RBFOX1: variants seen among roughly 807,000 people sequenced by gnomAD.
RBFOX1 encodes the protein RNA binding fox-1 homolog 1.
RBFOX1 carries 8 observed loss-of-function variants against 57.7 expected under a neutral mutation model. That is an observed-to-expected ratio of 0.14 (90% CI 0.08 to 0.25). The LOEUF is 0.25. Among genes scored for constraint, RBFOX1 ranks in the 10% least tolerant of loss-of-function variants. RBFOX1 has a pLI of 1.00. For missense variants in RBFOX1, 611 were observed against 548.5 expected, an observed-to-expected ratio of 1.11 and a Z score of -1.14; for synonymous variants, 326 against 222.4, an observed-to-expected ratio of 1.47 and a Z score of -4.15.
chr16:5,809,836 A>G (rs1331398095), intron 3 of RBFOX1, among the ~76,000 whole-genome samples: 1 of 152,174 alleles, frequency 6.6e-6, no homozygotes, highest in Non-Finnish European at 1.5e-5. Flanking sequence ...TATATACCCA[A>G]AGGACTATAA....
intron 2 of RBFOX1, among the ~76,000 whole-genome samples, chr16:6,445,681 C>T (rs774064791): frequency 1.3e-5 from 2 of 150,456 alleles, no homozygotes; most frequent in Non-Finnish European, 2.9e-5. Context: ...CCCCTGGGTT[C>T]AAGCGATTCT....
intron 3 of RBFOX1, among the ~76,000 whole-genome samples, chr16:6,969,830 C>G (rs1054605119): frequency 5.3e-5 from 8 of 152,098 alleles, no homozygotes; most frequent in African/African-American, 1.9e-4. Flanking sequence ...CGTTCTGGCC[C>G]TAATTCTGAG....
chr16:6,828,481 G>A lies in RBFOX1; in HGVS notation c.-16+173831G>A, dbSNP rs890411686. Among the ~76,000 whole-genome samples the A allele has an allele frequency of 5.9e-5, 9 of 151,584 alleles. 1 individual carries two copies. In the South Asian group the frequency reaches 6.3e-4, roughly 11 times the overall value. On this transcript the variant is annotated intron_variant, in intron 3 of 15. Coordinates refer to ENST00000550418, the MANE Select transcript of RBFOX1 (RefSeq NM_018723.4). ...AGAGGTTGCAGTCAGTCGACATCAC[G>A]CCATTGCACTCCAGCCTGGCAACAG...
intron 3 of RBFOX1, among the ~76,000 whole-genome samples, chr16:5,725,526 G>T (rs1480319909): frequency 1.3e-5 from 2 of 151,766 alleles, no homozygotes; most frequent in African/African-American, 4.8e-5. Context: ...TAGCCTCCAA[G>T]TGTTGGGACT....
At chr16:6,778,598 C>T (rs1007728550) in intron 3 of RBFOX1, among the ~76,000 whole-genome samples, 3 of 152,038 alleles carry the variant, frequency 2.0e-5, no homozygotes, top group Non-Finnish European at 2.9e-5. Context: ...GAAATCCAAA[C>T]GAGGACTATA....
rs73500349 is a variant in RBFOX1, at chr16:7,472,066, G to C, written c.28-46081G>C. ...TGACACAATTTAGCTGCTATGCCTG[G>C]CATCTCTCCTTCAGCATATCCTGCC... On this transcript the variant is annotated intron_variant, in intron 4 of 15. Coordinates refer to ENST00000550418, the MANE Select transcript of RBFOX1 (RefSeq NM_018723.4). Among the ~76,000 whole-genome samples the C allele has an allele frequency of 1.5e-3, 229 of 152,186 alleles. 1 individual carries two copies. Among genetic ancestry groups the C allele is most frequent in the African/African-American group, 5.1e-3 (211 of 41,532 alleles).
At chr16:7,092,854 A>T (rs2061090251) in intron 4 of RBFOX1, among the ~76,000 whole-genome samples, 1 of 152,166 alleles carries the variant, frequency 6.6e-6, no homozygotes. Flanking sequence ...GAAGGCTGGG[A>T]CATCCGCCTT....
At chr16:6,657,063 C>G (rs1185293632) in intron 3 of RBFOX1, among the ~76,000 whole-genome samples, 11 of 117,098 alleles carry the variant, frequency 9.4e-5, no homozygotes, top group African/African-American at 3.5e-4. Flanking sequence ...CTCCCCTTTC[C>G]TCTCCTCTCC....
chr16:5,988,251 T>A (rs1474419516), intron 4 of RBFOX1, among the ~76,000 whole-genome samples: 1 of 152,190 alleles, frequency 6.6e-6, no homozygotes, highest in African/African-American at 2.4e-5. Context: ...ATATCCATGA[T>A]AAAGCATATG....
intron 1 of RBFOX1, among the ~76,000 whole-genome samples, chr16:6,186,000 T>C (rs1488237989): frequency 1.3e-5 from 2 of 152,232 alleles, no homozygotes; most frequent in Admixed American, 6.5e-5. Context: ...CTTGTACTGC[T>C]GTGGCATTAT....
chr16:5,284,578 G>A (rs543080626), intron 1 of RBFOX1, among the ~76,000 whole-genome samples: 2 of 137,324 alleles, frequency 1.5e-5, no homozygotes, highest in South Asian at 4.6e-4. Context: ...GTCTCACTCT[G>A]TGACCCAGGC....
intron 4 of RBFOX1, among the ~76,000 whole-genome samples, chr16:7,294,787 A>T (rs924203748): frequency 6.6e-6 from 1 of 152,164 alleles, no homozygotes. Context: ...GATGATGATG[A>T]TGATGATGAT....
At chr16:7,035,670 G>C (rs1283617384) in intron 3 of RBFOX1, among the ~76,000 whole-genome samples, 3 of 152,124 alleles carry the variant, frequency 2.0e-5, no homozygotes, top group Non-Finnish European at 4.4e-5. Context: ...AATTAATCCT[G>C]ATGATGATAA....
intron 2 of RBFOX1, among the ~76,000 whole-genome samples, chr16:6,422,706 CAG>C (rs2093810402): frequency 6.6e-6 from 1 of 152,106 alleles, no homozygotes; most frequent in Non-Finnish European, 1.5e-5. Flanking sequence ...AACCGGATCT[CAG>C]GGGAACTCTT....
At chr16:5,788,951 C>G (rs1244015397) in intron 3 of RBFOX1, among the ~76,000 whole-genome samples, 1 of 152,194 alleles carries the variant, frequency 6.6e-6, no homozygotes, top group Non-Finnish European at 1.5e-5. Context: ...TCTTTCAAGA[C>G]ATTTTCTCCT....
chr16:7,321,510 A>C (rs1568200358), intron 4 of RBFOX1, among the ~76,000 whole-genome samples: 1 of 152,118 alleles, frequency 6.6e-6, no homozygotes, highest in African/African-American at 2.4e-5. Flanking sequence ...ATAACATGGG[A>C]TTATGTATGG....
At chr16:6,965,620 A>G (rs2083969038) in intron 3 of RBFOX1, among the ~76,000 whole-genome samples, 2 of 152,212 alleles carry the variant, frequency 1.3e-5, no homozygotes, top group African/African-American at 4.8e-5. Context: ...GACAGGCATG[A>G]GCCACTGCGC....
chr16:6,319,136 G>A (rs1478337167), intron 2 of RBFOX1, among the ~76,000 whole-genome samples: 1 of 152,092 alleles, frequency 6.6e-6, no homozygotes, highest in African/African-American at 2.4e-5. Flanking sequence ...TCTCTTACAG[G>A]ATTTTAGCAG....
chr16:7,402,414 A>T (rs2098260192), intron 4 of RBFOX1, among the ~76,000 whole-genome samples: 1 of 152,214 alleles, frequency 6.6e-6, no homozygotes, highest in Non-Finnish European at 1.5e-5. Flanking sequence ...TCATCTTTGA[A>T]AAGTGGTCTT....
Sources: gnomAD v4.1 joint callset for allele counts (sites outside exome capture counted in the v4.1 genomes callset) on GRCh38, gnomAD v4.1.1 for gene constraint, MANE v1.5 for transcripts, NCBI Gene and HGNC (gene_info 2026-07-23, HGNC 2026-07-21) for gene names.